PTER: variants seen among roughly 807,000 people sequenced by gnomAD.
PTER encodes the protein N-acetyltaurine hydrolase.
In PTER, 38 loss-of-function variants were observed where a neutral mutation model predicts 29.6. The observed-to-expected ratio is 1.28, with a 90% CI of 0.99 to 1.68. The LOEUF is 1.68. Ranked by LOEUF, PTER falls within the 40% of genes most tolerant of loss-of-function variation. The pLI is 0.00. For synonymous variants in PTER, 172 were observed against 154.5 expected (o/e 1.11, Z -0.84); for missense variants, 482 against 427.8 (o/e 1.13, Z -1.12).
chr10:16,455,413 A>G (rs980827171), intron 1 of PTER, among the ~76,000 whole-genome samples: 4 of 152,058 alleles, frequency 2.6e-5, no homozygotes, highest in Admixed American at 6.6e-5. Context: ...ACAAATTAAC[A>G]GGTGCAGTGA....
intron 3 of PTER, among the ~76,000 whole-genome samples, chr10:16,495,543 TGTA>T (rs1836063642): frequency 6.6e-6 from 1 of 152,210 alleles, no homozygotes. Flanking sequence ...ATAAATCAGT[TGTA>T]TATATAAGCA....
rs764709895 is a variant in PTER, at chr10:16,511,157, C to T, written c.951C>T (p.Leu317=). The T allele has an allele frequency of 3.7e-6, 6 of 1,614,088 alleles. No homozygotes were observed. Among genetic ancestry groups the T allele is most frequent in the South Asian group, 2.2e-5 (2 of 91,066 alleles). The change falls in exon 5 of 5, where the codon CTC becomes CTT. Residue 317 remains leucine, a synonymous_variant. Transcript: ENST00000535784. ...KYGGHGYSHI[L]TNVVPKMLLR... ...GAGGTCACGGCTATTCTCATATACT[C>T]ACCAATGTTGTTCCTAAAATGTTGC...
downstream of PTER, among the ~76,000 whole-genome samples, chr10:16,516,437 CTCATCTTTGG>C (rs1836952391): frequency 6.6e-6 from 1 of 151,834 alleles, no homozygotes; most frequent in Admixed American, 6.6e-5. Context: ...GTGTTTTTTT[CTCATCTTTGG>C]ATTTTTAATG....
At chr10:16,493,111 CAA>C (rs1835960852) in intron 3 of PTER, among the ~76,000 whole-genome samples, 1 of 152,162 alleles carries the variant, frequency 6.6e-6, no homozygotes, top group Admixed American at 6.5e-5. Flanking sequence ...TCTCTGCCTT[CAA>C]AGTCATTATT....
intron 2 of PTER, among the ~76,000 whole-genome samples, chr10:16,485,857 C>G (rs1174224189): frequency 6.6e-6 from 1 of 151,978 alleles, no homozygotes; most frequent in Non-Finnish European, 1.5e-5. Context: ...TACATGGGAG[C>G]CTGAAATGGG....
intron 1 of PTER, among the ~76,000 whole-genome samples, chr10:16,453,060 A>AT (rs1834271789): frequency 6.6e-6 from 1 of 151,594 alleles, no homozygotes; most frequent in South Asian, 2.1e-4. Flanking sequence ...ATTTCTTCTT[A>AT]TTTTTTAATA....
chr10:16,466,380 G>C (rs1834829361), intron 1 of PTER, among the ~76,000 whole-genome samples: 1 of 151,626 alleles, frequency 6.6e-6, no homozygotes, highest in Non-Finnish European at 1.5e-5. Flanking sequence ...GTTTGAGACA[G>C]AATTTTGCCC....
chr10:16,508,508 C>G (rs1015423096), intron 4 of PTER, among the ~76,000 whole-genome samples: 1 of 151,976 alleles, frequency 6.6e-6, no homozygotes, highest in Non-Finnish European at 1.5e-5. Context: ...CCTTCTAGAA[C>G]AAGAGAAAGA....
intron 3 of PTER, among the ~76,000 whole-genome samples, chr10:16,493,909 A>G (rs1835996502): frequency 6.6e-6 from 1 of 152,212 alleles, no homozygotes; most frequent in Admixed American, 6.5e-5. Context: ...TTTTGGGCAG[A>G]CCTGCCTTCC....
At chr10:16,452,214 C>CACACACACACACACAA (rs1834236292) in intron 1 of PTER, among the ~76,000 whole-genome samples, 1 of 151,118 alleles carries the variant, frequency 6.6e-6, no homozygotes. Context: ...CACACACACA[C>CACACACACACACACAA]ACACACATAT....
chr10:16,505,876 C>CAAA (rs1836541398), intron 4 of PTER, among the ~76,000 whole-genome samples: 1 of 152,038 alleles, frequency 6.6e-6, no homozygotes, highest in Admixed American at 6.6e-5. Context: ...CCCAGTGAAG[C>CAAA]CCTAAGATAT....
intron 1 of PTER, among the ~76,000 whole-genome samples, chr10:16,448,407 G>A (rs931670710): frequency 4.6e-5 from 7 of 152,134 alleles, no homozygotes; most frequent in African/African-American, 1.7e-4. Context: ...AGTAACACAC[G>A]CAAATGAGGA....
At chr10:16,480,455 C>T (rs918874858) in intron 1 of PTER, among the ~76,000 whole-genome samples, 2 of 152,096 alleles carry the variant, frequency 1.3e-5, no homozygotes, top group Admixed American at 1.3e-4. Context: ...CTCAACCTCC[C>T]AAAGTGTTGG....
chr10:16,497,081 C>T (rs1418556136), intron 3 of PTER, among the ~76,000 whole-genome samples: 1 of 151,988 alleles, frequency 6.6e-6, no homozygotes, highest in Non-Finnish European at 1.5e-5. Context: ...ATTACAGGTG[C>T]CTGCCACCAT....
chr10:16,476,088 A>T (rs1835249612), intron 1 of PTER: 1 of 151,948 alleles, frequency 6.6e-6, no homozygotes, highest in Non-Finnish European at 1.5e-5. Context: ...TTTATATATT[A>T]TTATTATTAT....
intron 1 of PTER, among the ~76,000 whole-genome samples, chr10:16,452,717 C>CTCTTCT: frequency 6.6e-6 from 1 of 151,032 alleles, no homozygotes; most frequent in Non-Finnish European, 1.5e-5. Flanking sequence ...TTTCCTCTTC[C>CTCTTCT]TCTTCTTCTT....
Position 16,479,293 on chromosome 10 carries a change from A to G in PTER, c.-48-5044A>G, listed in dbSNP as rs565461414. Among the ~76,000 whole-genome samples, 56 of 152,240 alleles carry G rather than the reference A, an allele frequency of 3.7e-4. No homozygotes were observed. In the South Asian group the frequency reaches 0.011, roughly 30 times the overall value. On this transcript the variant is annotated intron_variant, in intron 1 of 4. Coordinates refer to ENST00000535784, the MANE Select transcript of PTER (RefSeq NM_001261836.2). Reference sequence around the variant, plus strand: ...ACTGATTCTTTTGACAGTGTTTAATATTAAAAGTTATAAATGCACATGCAG... The same window carrying G: ...ACTGATTCTTTTGACAGTGTTTAATGTTAAAAGTTATAAATGCACATGCAG...
intron 1 of PTER, among the ~76,000 whole-genome samples, chr10:16,451,183 G>A (rs1834195852): frequency 7.1e-6 from 1 of 141,502 alleles, no homozygotes; most frequent in Non-Finnish European, 1.5e-5. Context: ...AAGTCCAGAA[G>A]GCTCAGCAAG....
chr10:16,457,438 CT>C (rs1834449804), intron 1 of PTER, among the ~76,000 whole-genome samples: 1 of 152,084 alleles, frequency 6.6e-6, no homozygotes, highest in Non-Finnish European at 1.5e-5. Context: ...TGGTCTCGAT[CT>C]CCTGTCCTCG....
Sources: gnomAD v4.1 joint callset for allele counts (sites outside exome capture counted in the v4.1 genomes callset) on GRCh38, gnomAD v4.1.1 for gene constraint, MANE v1.5 for transcripts, NCBI Gene and HGNC (gene_info 2026-07-23, HGNC 2026-07-21) for gene names.